Variants in FGFR2 observed in about 807,000 individuals in gnomAD.
The protein encoded by FGFR2 is fibroblast growth factor receptor 2, also known as BEK fibroblast growth factor receptor.
In FGFR2, 19 loss-of-function variants were observed where a neutral mutation model predicts 95.9. The observed-to-expected ratio is 0.20, with a 90% CI of 0.14 to 0.29. FGFR2 has a LOEUF of 0.29. FGFR2 is among the 10% of genes least tolerant of loss of function. The pLI is 1.00. For synonymous variants in FGFR2, 392 were observed against 393.3 expected, an observed-to-expected ratio of 1.00 and a Z score of 0.04; for missense variants, 707 against 1,056.9, an observed-to-expected ratio of 0.67 and a Z score of 4.59.
intron 2 of FGFR2, among the ~76,000 whole-genome samples, chr10:121,576,495 T>C (rs1372107610): frequency 6.6e-6 from 1 of 152,150 alleles, no homozygotes; most frequent in Non-Finnish European, 1.5e-5. Context: ...TCAAAAGGCA[T>C]GTGGGGGGCT....
chr10:121,491,038 G>T (rs186198848), intron 13 of FGFR2, among the ~76,000 whole-genome samples: 1 of 152,198 alleles, frequency 6.6e-6, no homozygotes, highest in South Asian at 2.1e-4. Context: ...AAACTCTCCC[G>T]GTGGTGTGCT....
chr10:121,587,423 T>C (rs1013635313), intron 2 of FGFR2, among the ~76,000 whole-genome samples: 5 of 152,150 alleles, frequency 3.3e-5, no homozygotes, highest in Non-Finnish European at 1.5e-5. Context: ...CTAATTAAAC[T>C]TAAGAGCTTC....
intron 7 of FGFR2, among the ~76,000 whole-genome samples, chr10:121,519,207 G>A (rs1309928528): frequency 6.6e-6 from 1 of 152,150 alleles, no homozygotes; most frequent in Non-Finnish European, 1.5e-5. Context: ...CATTCTCCAT[G>A]AGCAACTAGA....
In FGFR2 at chr10:121,485,579, C is replaced by A. The variant is rs748853126; in HGVS notation, c.2058-47G>T. 7 of 1,613,542 alleles carry A rather than the reference C, an allele frequency of 4.3e-6. No individual in the cohort carries two copies. In the East Asian group the frequency reaches 1.6e-4, roughly 36 times the overall value. On this transcript the variant is annotated intron_variant, in intron 15 of 17. Transcript: ENST00000358487. This position sits in a 1 kb window ranked among gnomAD's most constrained non-coding sequence, Gnocchi z 4.2. Reference sequence around the variant, plus strand: ...CGGCATTACTAACCCATCCACGTTGCCAAAACCTAAACACGCCCAGCTGAG... The same window carrying A: ...CGGCATTACTAACCCATCCACGTTGACAAAACCTAAACACGCCCAGCTGAG...
At chr10:121,535,989 T>C (rs1304349500) in intron 6 of FGFR2, among the ~76,000 whole-genome samples, 1 of 152,206 alleles carries the variant, frequency 6.6e-6, no homozygotes, top group Non-Finnish European at 1.5e-5. Flanking sequence ...CCCCAAAGAA[T>C]GTGGGCAAGA....
chr10:121,560,385 C>T (rs925027487), intron 4 of FGFR2, among the ~76,000 whole-genome samples: 11 of 151,872 alleles, frequency 7.2e-5, no homozygotes, highest in African/African-American at 1.7e-4. Context: ...GAGGCCGAGG[C>T]GAGCAGATCA....
In FGFR2 at chr10:121,578,510, T is replaced by G. The variant is rs538281229; in HGVS notation, c.110-12806A>C. ...TCCCCAGCCCACTCCACCCAAAAGG[T>G]GTACGGAGAGGGACTGGAGTAGGGA... On this transcript the variant is annotated intron_variant, in intron 2 of 17. Transcript: ENST00000358487. Among the ~76,000 whole-genome samples, 56 of 152,312 alleles carry G rather than the reference T, an allele frequency of 3.7e-4. 1 individual carries two copies. The highest frequency in any genetic ancestry group is 3.6e-3 in the Admixed American group (55 of 15,300).
At position 121,500,884 on chromosome 10, in the gene FGFR2, C is replaced by T. The variant is rs2134008449; in HGVS notation, c.1503G>A (p.Val501=). The T allele has an allele frequency of 6.2e-7, 1 of 1,614,226 alleles. No homozygotes were observed. Among genetic ancestry groups the T allele is most frequent in the Non-Finnish European group, 8.5e-7 (1 of 1,180,034 alleles). Residue 501 remains valine (V), a synonymous_variant, in exon 11 of 18, where the codon GTG becomes GTA. Coordinates refer to ENST00000358487, the MANE Select transcript of FGFR2 (RefSeq NM_000141.5). ...CFGQVVMAEA[V]GIDKDKPKEA... is the part of the protein sequence containing the mutation. ...CCTTGGGCTTGTCTTTGTCAATTCCCACTGCTTCCGCCATGACCACTTGCC... is the reference window on the plus strand; with the variant it reads ...CCTTGGGCTTGTCTTTGTCAATTCCTACTGCTTCCGCCATGACCACTTGCC...
At chr10:121,552,197 G>A (rs919978292) in intron 4 of FGFR2, among the ~76,000 whole-genome samples, 1 of 152,114 alleles carries the variant, frequency 6.6e-6, no homozygotes, top group African/African-American at 2.4e-5. Flanking sequence ...GTCCCCGAAA[G>A]TCATAAATAC....
In FGFR2 at chr10:121,479,733, A is replaced by G. The variant is rs1344673464; in HGVS notation, c.*124T>C. On this transcript the variant is annotated 3_prime_UTR_variant, in exon 18 of 18. Transcript: ENST00000358487. ...TACACATATGCTGATTACTTTTCCA[A>G]TTATTTACTCCTCTGATCCATATAT... The G allele has an allele frequency of 2.5e-6, 4 of 1,610,760 alleles. No individual in the cohort carries two copies. Among genetic ancestry groups the G allele is most frequent in the Non-Finnish European group, 3.4e-6 (4 of 1,177,988 alleles).
chr10:121,596,722 C>T (rs1275730527), intron 1 of FGFR2: 2 of 192,984 alleles, frequency 1.0e-5, no homozygotes, highest in Non-Finnish European at 1.1e-5. Flanking sequence ...TCAGAACTTG[C>T]GAGCAGCTTG....
At chr10:121,564,640 A>C (rs1857419204) in intron 3 of FGFR2, 61 bp from the exon 4 acceptor site, 2 of 1,468,736 alleles carry the variant, frequency 1.4e-6, no homozygotes, top group African/African-American at 1.4e-5. Context: ...GGTTGCAATT[A>C]TCTACAACTG....
chr10:121,501,864 T>C (rs930110844), intron 10 of FGFR2, among the ~76,000 whole-genome samples: 16 of 152,228 alleles, frequency 1.1e-4, no homozygotes, highest in African/African-American at 3.6e-4. Flanking sequence ...AATATTTGCA[T>C]TGGAAAAATG....
chr10:121,535,131 C>T (rs912492424), intron 6 of FGFR2, among the ~76,000 whole-genome samples: 1 of 152,124 alleles, frequency 6.6e-6, no homozygotes, highest in African/African-American at 2.4e-5. Flanking sequence ...GAGATTGGAG[C>T]GGTGCCTCTA....
intron 4 of FGFR2, among the ~76,000 whole-genome samples, chr10:121,558,862 C>T (rs1353383430): frequency 6.6e-6 from 1 of 152,046 alleles, no homozygotes; most frequent in East Asian, 1.9e-4. Flanking sequence ...ACTGGGATTA[C>T]ATCCATGAGC....
At chr10:121,503,974 C>T (rs1847945424) in intron 9 of FGFR2, 33 bp from the exon 10 acceptor site, 1 of 1,612,966 alleles carries the variant, frequency 6.2e-7, no homozygotes, top group East Asian at 2.2e-5. Context: ...CAGATGTAAT[C>T]CTGGCTCCAT....
chr10:121,514,633 C>A (rs936052830), intron 9 of FGFR2, among the ~76,000 whole-genome samples: 2 of 152,172 alleles, frequency 1.3e-5, no homozygotes, highest in Admixed American at 1.3e-4. Flanking sequence ...TCAAACAGTT[C>A]AGATGCACCC....
rs770154701 is a variant in FGFR2, at chr10:121,488,075, T to C, written c.1902A>G (p.Val634=). Residue 634 remains valine, a synonymous_variant, in exon 14 of 18, where the codon GTA becomes GTG. Coordinates refer to ENST00000358487, the MANE Select transcript of FGFR2 (RefSeq NM_000141.5). ...HRDLAARNVL[V]TENNVMKIAD... is the part of the protein sequence containing the mutation. The stretch of plus-strand genomic sequence containing the variant: ...CTATTTTCATCACATTGTTTTCTGT[T>C]ACCAAAACATTTCTGGCTGCTAAAT... 6.2e-7 allele frequency: 1 copy of C among 1,614,120 alleles called. No individual in the cohort carries two copies. Among genetic ancestry groups the C allele is most frequent in the Non-Finnish European group, 8.5e-7 (1 of 1,179,994 alleles).
intron 6 of FGFR2, among the ~76,000 whole-genome samples, chr10:121,530,661 A>T (rs1009757333): frequency 1.3e-4 from 20 of 152,224 alleles, no homozygotes; most frequent in African/African-American, 4.8e-4. Flanking sequence ...TTACAAAGGC[A>T]GCCGTTGATA....
Sources: gnomAD v4.1 joint callset for allele counts (sites outside exome capture counted in the v4.1 genomes callset) on GRCh38, gnomAD v4.1.1 for gene constraint, Gnocchi (gnomAD v3.1) non-coding constraint, MANE v1.5 for transcripts, NCBI Gene and HGNC (gene_info 2026-07-23, HGNC 2026-07-21) for gene names.